Variants in PPP6R2 observed in about 807,000 individuals in gnomAD.
PPP6R2 encodes the protein protein phosphatase 6 regulatory subunit 2, also known as serine/threonine-protein phosphatase 6 regulatory subunit 2.
A neutral mutation model predicts 100.2 loss-of-function variants in PPP6R2; 62 were observed. The ratio of observed to expected loss-of-function variants is 0.62; its 90% CI spans 0.50 to 0.76. The LOEUF is 0.76. Ranked by LOEUF, PPP6R2 falls within the 30% of genes least tolerant of loss-of-function variation. PPP6R2 has a pLI of 0.00. For synonymous variants in PPP6R2, 525 were observed against 514.7 expected (o/e 1.02, Z -0.27); for missense variants, 1,142 against 1,276.3 (o/e 0.89, Z 1.60).
chr22:50,422,316 G>C lies in PPP6R2; in HGVS notation c.908G>C (p.Ser303Thr). 6.2e-7 allele frequency: 1 copy of C among 1,614,162 alleles called. No homozygotes were observed. The highest frequency in any genetic ancestry group is 8.5e-7 in the Non-Finnish European group (1 of 1,180,022). ...GLERSYAVSS[S>T]VLHGIEPRLK... ...GAAAGGTCATACGCTGTCAGCAGCA[G>C]CGTACTACACGGCATCGAGCCTCGG... The change falls in exon 9 of 24, where the codon AGC becomes ACC. Residue 303 changes from serine (S) to threonine (T), a missense_variant. Ser to Thr is a moderately conservative substitution (Grantham distance 58). Coordinates refer to ENST00000612753, the MANE Select transcript of PPP6R2 (RefSeq NM_001242898.2).
chr22:50,388,695 A>G (rs2054782650), intron 2 of PPP6R2, among the ~76,000 whole-genome samples: 2 of 151,880 alleles, frequency 1.3e-5, no homozygotes, highest in South Asian at 4.2e-4. Flanking sequence ...AATATGGTGA[A>G]ACCCAGTCCT....
chr22:50,333,173 TA>T, the PPP6R2 span, among the ~76,000 whole-genome samples: 3 of 151,974 alleles, frequency 2.0e-5, no homozygotes, highest in African/African-American at 7.3e-5. Context: ...GCACTTCTGT[TA>T]AAAAAATCAA....
chr22:50,415,534 C>T (rs150312234), intron 5 of PPP6R2, among the ~76,000 whole-genome samples: 110 of 152,356 alleles, frequency 7.2e-4, no homozygotes, highest in Admixed American at 2.1e-3. Context: ...GAAGTAGCCA[C>T]GGGGGGACAG....
chr22:50,365,117 G>A (rs1289888274), intron 1 of PPP6R2, among the ~76,000 whole-genome samples: 1 of 147,756 alleles, frequency 6.8e-6, no homozygotes, highest in East Asian at 2.0e-4. Flanking sequence ...TGTTGCCCAG[G>A]CTGGATTGTA....
chr22:50,407,710 C>G (rs1603272244), intron 4 of PPP6R2, among the ~76,000 whole-genome samples: 1 of 152,198 alleles, frequency 6.6e-6, no homozygotes. Context: ...TTCTGCCCCT[C>G]CAGGCTGTGG....
At chr22:50,441,851 G>A (rs2065712485) in intron 22 of PPP6R2, among the ~76,000 whole-genome samples, 1 of 152,164 alleles carries the variant, frequency 6.6e-6, no homozygotes, top group African/African-American at 2.4e-5. Flanking sequence ...TTAGCAGGAG[G>A]GCAGGACCGC....
intron 10 of PPP6R2, among the ~76,000 whole-genome samples, chr22:50,430,042 C>T (rs1290440479): frequency 6.6e-6 from 1 of 152,240 alleles, no homozygotes; most frequent in Non-Finnish European, 1.5e-5. Flanking sequence ...CCTCCTTCTC[C>T]ATGGAGGCAG....
chr22:50,356,733 G>A (rs768147535), intron 1 of PPP6R2, among the ~76,000 whole-genome samples: 10 of 151,750 alleles, frequency 6.6e-5, no homozygotes, highest in Non-Finnish European at 1.3e-4. Flanking sequence ...TCGGGAGTTC[G>A]AGACCAGCCT....
At chr22:50,404,089 A>ATTTT (rs55771128) in intron 3 of PPP6R2, among the ~76,000 whole-genome samples, 1 of 116,414 alleles carries the variant, frequency 8.6e-6, no homozygotes, top group Non-Finnish European at 1.8e-5. Flanking sequence ...TGCACATTCT[A>ATTTT]TTTTTTTTTT....
intron 3 of PPP6R2, among the ~76,000 whole-genome samples, chr22:50,395,336 T>A (rs569181393): frequency 6.6e-6 from 1 of 151,778 alleles, no homozygotes; most frequent in South Asian, 2.1e-4. Context: ...GGGCCTTGAG[T>A]CAGGACAGAA....
intron 2 of PPP6R2, among the ~76,000 whole-genome samples, chr22:50,383,362 C>G (rs556845668): frequency 9.9e-5 from 15 of 152,240 alleles, no homozygotes; most frequent in African/African-American, 2.6e-4. Context: ...AAGTCTTATT[C>G]TGCTGTTTGG....
At chr22:50,374,188 AT>A (rs1250073152) in intron 2 of PPP6R2, among the ~76,000 whole-genome samples, 1 of 152,148 alleles carries the variant, frequency 6.6e-6, no homozygotes, top group Admixed American at 6.6e-5. Flanking sequence ...TTGGCCAAAT[AT>A]AATTTCTGTG....
At chr22:50,355,318 A>G (rs1297439749) in intron 1 of PPP6R2, among the ~76,000 whole-genome samples, 1 of 149,966 alleles carries the variant, frequency 6.7e-6, no homozygotes, top group East Asian at 2.0e-4. Flanking sequence ...GCTCACTGCA[A>G]GCTCCGCCTC....
intron 1 of PPP6R2, among the ~76,000 whole-genome samples, chr22:50,353,297 C>T (rs1332667019): frequency 1.3e-5 from 2 of 152,152 alleles, no homozygotes; most frequent in Non-Finnish European, 2.9e-5. Flanking sequence ...GTGACTCTTC[C>T]TTTCCTACAG....
chr22:50,436,216 C>T, intron 13 of PPP6R2, 151 bp from the exon 14 acceptor site: 1 of 668,414 alleles, frequency 1.5e-6, no homozygotes, highest in South Asian at 1.8e-5. Flanking sequence ...TCTCATCCGG[C>T]AAAGCCCCTG....
At chr22:50,358,997 C>T (rs1471846535) in intron 1 of PPP6R2, among the ~76,000 whole-genome samples, 2 of 90,256 alleles carry the variant, frequency 2.2e-5, no homozygotes, top group Non-Finnish European at 5.4e-5. Context: ...ACCGCCCCCC[C>T]CCCCCCCCCA....
chr22:50,376,501 C>T (rs932558974), intron 2 of PPP6R2, among the ~76,000 whole-genome samples: 7 of 152,106 alleles, frequency 4.6e-5, no homozygotes, highest in Non-Finnish European at 1.0e-4. Context: ...TGGCTCACTG[C>T]AACTTCCGCC....
At chr22:50,403,962 T>C (rs554363466) in intron 3 of PPP6R2, among the ~76,000 whole-genome samples, 1 of 152,148 alleles carries the variant, frequency 6.6e-6, no homozygotes, top group Non-Finnish European at 1.5e-5. Flanking sequence ...TTAGGTCCAG[T>C]GCTAGGGCTG....
At chr22:50,384,206 A>G (rs979381864) in intron 2 of PPP6R2, among the ~76,000 whole-genome samples, 2 of 152,088 alleles carry the variant, frequency 1.3e-5, no homozygotes, top group African/African-American at 4.8e-5. Flanking sequence ...ATTATTTTAT[A>G]TGAAGCTCAG....
Sources: allele counts gnomAD v4.1 joint callset (sites outside exome capture counted in the v4.1 genomes callset), GRCh38; gene constraint gnomAD v4.1.1; transcripts MANE v1.5; gene names NCBI Gene and HGNC (gene_info 2026-07-23, HGNC 2026-07-21).